Variants in PAK1 observed in about 807,000 individuals in gnomAD.
PAK1 encodes p21 (RAC1) activated kinase 1, also known as serine/threonine-protein kinase PAK 1.
PAK1 carries 29 observed loss-of-function variants against 67.4 expected under a neutral mutation model. That is an observed-to-expected ratio of 0.43 (90% CI 0.32 to 0.59). The LOEUF is 0.59. PAK1 is among the 20% of genes least tolerant of loss of function. The pLI, the probability that PAK1 is intolerant of heterozygous loss-of-function variation, is 0.07. For missense variants in PAK1, 337 were observed against 670.7 expected, an observed-to-expected ratio of 0.50 and a Z score of 5.50; for synonymous variants, 223 against 237.4, an observed-to-expected ratio of 0.94 and a Z score of 0.56.
chr11:77,455,592 T>C (rs1365833329), intron 1 of PAK1, among the ~76,000 whole-genome samples: 1 of 152,232 alleles, frequency 6.6e-6, no homozygotes, highest in Non-Finnish European at 1.5e-5. Flanking sequence ...GTCCATTTCT[T>C]TAACTCTCCC....
At position 77,325,524 on chromosome 11, in the gene PAK1, A is replaced by G. The variant is rs1939594146; in HGVS notation, c.1552-2164T>C. 3 of 803,760 alleles carry G rather than the reference A, an allele frequency of 3.7e-6. No homozygotes were observed. The Admixed American group carries it at 9.9e-5, about 27-fold the overall frequency. The allele number at this position is 803,760 out of a possible 1,614,324, so 49.8% of individuals were successfully genotyped here. On this transcript the variant is annotated intron_variant, in intron 14 of 14. Transcript: ENST00000356341. ...CCCATTTATTACTAGTTATATTACT[A>G]TATCAGGAAGAAAACTTTAGAGGTC... is the stretch of plus-strand genomic sequence containing the variant.
At chr11:77,489,093 C>A in the PAK1 span, among the ~76,000 whole-genome samples, 1 of 152,134 alleles carries the variant, frequency 6.6e-6, no homozygotes, top group Admixed American at 6.5e-5. Context: ...TCTAATATAC[C>A]TGACAGCAGG....
intron 1 of PAK1, among the ~76,000 whole-genome samples, chr11:77,417,853 G>A (rs980070918): frequency 6.6e-6 from 1 of 151,580 alleles, no homozygotes; most frequent in African/African-American, 2.4e-5. Flanking sequence ...TCGTGCCTCA[G>A]CCTCCCGAGT....
chr11:77,504,183 G>A, the PAK1 span, among the ~76,000 whole-genome samples: 1 of 151,996 alleles, frequency 6.6e-6, no homozygotes, highest in Admixed American at 6.6e-5. Context: ...GTGAGCCACT[G>A]CACCCGGCCC....
intron 1 of PAK1, among the ~76,000 whole-genome samples, chr11:77,453,566 T>C (rs558970775): frequency 6.7e-6 from 1 of 150,372 alleles, no homozygotes; most frequent in East Asian, 1.9e-4. Context: ...CAAATTTTAA[T>C]TACCTCACAG....
intron 1 of PAK1, among the ~76,000 whole-genome samples, chr11:77,463,419 A>T (rs1246851932): frequency 6.6e-6 from 1 of 152,202 alleles, no homozygotes; most frequent in Non-Finnish European, 1.5e-5. Context: ...ATAAAATGAA[A>T]CAGTTTCAAG....
At chr11:77,365,866 C>T (rs112230502) in intron 5 of PAK1, among the ~76,000 whole-genome samples, 4,900 of 151,754 alleles carry the variant, frequency 0.032, 129 homozygotes, top group African/African-American at 0.075. Context: ...AAAATAACAC[C>T]TAAACGCACA....
rs575411603 is a variant in PAK1, at chr11:77,365,827, C to T, written c.478-6810G>A. Among the ~76,000 whole-genome samples the T allele has an allele frequency of 1.0e-4, 15 of 148,380 alleles. No homozygotes were observed. In the East Asian group the frequency reaches 2.7e-3, roughly 27 times the overall value. On this transcript the variant is annotated intron_variant, in intron 5 of 14. Coordinates refer to ENST00000356341, the MANE Select transcript of PAK1 (RefSeq NM_002576.5). The stretch of plus-strand genomic sequence containing the variant: ...CAGCCTGGGCGACAGAGCGAGACTC[C>T]GTCTCAGAAAAAGAAAAAGAAAAAA...
chr11:77,353,659 C>G (rs1279873738), intron 7 of PAK1, 60 bp from the exon 8 acceptor site: 1 of 1,308,846 alleles, frequency 7.6e-7, no homozygotes, highest in African/African-American at 1.5e-5. Context: ...AAAAAAGGTT[C>G]CACATTTCCC....
At chr11:77,513,625 C>T in the PAK1 span, among the ~76,000 whole-genome samples, 422 of 128,540 alleles carry the variant, frequency 3.3e-3, 9 homozygotes, top group East Asian at 0.056. Flanking sequence ...GAGCCAACAT[C>T]GGGCCACTGC....
chr11:77,447,788 A>G (rs1956684173), intron 1 of PAK1, among the ~76,000 whole-genome samples: 1 of 152,168 alleles, frequency 6.6e-6, no homozygotes, highest in African/African-American at 2.4e-5. Context: ...AGCCTCCCAA[A>G]GTGCTGGGAT....
At chr11:77,423,400 A>C (rs1955381181) in intron 1 of PAK1, among the ~76,000 whole-genome samples, 1 of 101,520 alleles carries the variant, frequency 9.9e-6, no homozygotes, top group African/African-American at 4.6e-5. Context: ...GTTGCTTTCA[A>C]ATACACACAC....
At chr11:77,453,150 T>C (rs550484859) in intron 1 of PAK1, among the ~76,000 whole-genome samples, 1 of 151,542 alleles carries the variant, frequency 6.6e-6, no homozygotes, top group Admixed American at 6.6e-5. Context: ...AGGTCAAGAG[T>C]TCAAGATCAG....
the PAK1 span, among the ~76,000 whole-genome samples, chr11:77,484,375 T>C: frequency 1.3e-5 from 2 of 152,162 alleles, no homozygotes; most frequent in Non-Finnish European, 1.5e-5. Context: ...GGTGGTTAGA[T>C]TGTTCATTAA....
intron 14 of PAK1, among the ~76,000 whole-genome samples, chr11:77,327,759 G>A (rs1164071385): frequency 6.6e-6 from 1 of 152,182 alleles, no homozygotes; most frequent in African/African-American, 2.4e-5. Context: ...ACATCATAAT[G>A]ACAGGATCAA....
the PAK1 span, among the ~76,000 whole-genome samples, chr11:77,504,482 T>C: frequency 6.6e-6 from 1 of 152,226 alleles, no homozygotes; most frequent in East Asian, 1.9e-4. Flanking sequence ...AATTGCTTTT[T>C]TCTGATAAGT....
chr11:77,360,444 T>G (rs1946627570), intron 5 of PAK1, among the ~76,000 whole-genome samples: 1 of 152,160 alleles, frequency 6.6e-6, no homozygotes, highest in Non-Finnish European at 1.5e-5. Flanking sequence ...CCTGTCAAAA[T>G]ATGTATTTCG....
At chr11:77,498,754 G>A in the PAK1 span, among the ~76,000 whole-genome samples, 4,305 of 119,082 alleles carry the variant, frequency 0.036, 94 homozygotes, top group Middle Eastern at 0.078. Context: ...AGGCTGGAAT[G>A]CAATGGCAAG....
chr11:77,497,286 G>A, the PAK1 span, among the ~76,000 whole-genome samples: 1 of 152,210 alleles, frequency 6.6e-6, no homozygotes, highest in Admixed American at 6.5e-5. Flanking sequence ...GCCCTCAAAA[G>A]GTTGACCAAT....
Sources: gnomAD v4.1 joint callset for allele counts (sites outside exome capture counted in the v4.1 genomes callset) on GRCh38, gnomAD v4.1.1 for gene constraint, MANE v1.5 for transcripts, NCBI Gene and HGNC (gene_info 2026-07-23, HGNC 2026-07-21) for gene names.